The following SORCS3 variants were observed in gnomAD, a reference collection of about 807,000 sequenced individuals.
The protein encoded by SORCS3 is sortilin related VPS10 domain containing receptor 3.
A neutral mutation model predicts 146.3 loss-of-function variants in SORCS3; 57 were observed. The ratio of observed to expected loss-of-function variants is 0.39; its 90% CI spans 0.31 to 0.49. The LOEUF is 0.49. Among genes scored for constraint, SORCS3 ranks in the 20% least tolerant of loss-of-function variants. The pLI is 0.92. For missense variants in SORCS3, 1,341 were observed against 1,575.5 expected, an observed-to-expected ratio of 0.85 and a Z score of 2.52; for synonymous variants, 653 against 618.5, an observed-to-expected ratio of 1.06 and a Z score of -0.83.
chr10:104,921,120 A>G (rs1032661855), intron 3 of SORCS3, among the ~76,000 whole-genome samples: 2 of 152,212 alleles, frequency 1.3e-5, no homozygotes, highest in Non-Finnish European at 2.9e-5. Flanking sequence ...TCTAGCTCAC[A>G]GCTTCTCCTT....
chr10:104,778,319 T>C (rs904012611), intron 1 of SORCS3, among the ~76,000 whole-genome samples: 2 of 152,242 alleles, frequency 1.3e-5, no homozygotes, highest in Non-Finnish European at 2.9e-5. Flanking sequence ...ATTGTTACTC[T>C]GCTTCAAAGG....
rs541049776 is a variant in SORCS3 at position 105,007,232 on chromosome 10, C to A, written c.954+29739C>A. Among the ~76,000 whole-genome samples, 33 of 152,202 alleles carry A rather than the reference C, an allele frequency of 2.2e-4. 1 individual carries two copies. The South Asian group carries it at 6.4e-3, about 30-fold the overall frequency. ...TATGAGGAATCTACTTATTGTGCAG[C>A]CCTGTGTTCAGTGTTATGAGAGATA... On this transcript the variant is annotated intron_variant, in intron 4 of 26. Coordinates refer to ENST00000369701, the MANE Select transcript of SORCS3 (RefSeq NM_014978.3).
chr10:104,910,272 T>C lies in SORCS3; in HGVS notation c.696-5561T>C, dbSNP rs57815746. Among the ~76,000 whole-genome samples, 209 of 152,296 alleles carry C rather than the reference T, an allele frequency of 1.4e-3. 4 individuals are homozygous for C. In the East Asian group the frequency reaches 0.034, roughly 24 times the overall value. ...GTGTCTCTTTGGAGGTACAGTCTCCTTGGAGAAGATGTTGTAAATAGCCAG... is the reference window on the plus strand; with the variant it reads ...GTGTCTCTTTGGAGGTACAGTCTCCCTGGAGAAGATGTTGTAAATAGCCAG... On this transcript the variant is annotated intron_variant, in intron 2 of 26. Coordinates refer to ENST00000369701, the MANE Select transcript of SORCS3 (RefSeq NM_014978.3).
At chr10:105,135,849 C>T (rs2225574) in intron 7 of SORCS3, among the ~76,000 whole-genome samples, 13,121 of 152,220 alleles carry the variant, frequency 0.086, 693 homozygotes, top group Admixed American at 0.16. Context: ...ACAGCATTAC[C>T]TTTACCGTCT....
At chr10:104,685,964 C>A (rs1283265941) in intron 1 of SORCS3, among the ~76,000 whole-genome samples, 1 of 152,150 alleles carries the variant, frequency 6.6e-6, no homozygotes, top group Non-Finnish European at 1.5e-5. Flanking sequence ...TTGCCCGGCT[C>A]CCTCTTGCCT....
intron 7 of SORCS3, among the ~76,000 whole-genome samples, chr10:105,107,942 C>T (rs2055834234): frequency 6.6e-6 from 1 of 152,110 alleles, no homozygotes; most frequent in Non-Finnish European, 1.5e-5. Flanking sequence ...AATTGTAGTA[C>T]CTACTTCATG....
chr10:104,670,139 T>C (rs547620218), intron 1 of SORCS3, among the ~76,000 whole-genome samples: 2 of 152,268 alleles, frequency 1.3e-5, no homozygotes, highest in South Asian at 2.1e-4. Context: ...ATCAGATGTA[T>C]GATTTGCAAA....
At chr10:104,811,197 A>C (rs1448197781) in intron 1 of SORCS3, among the ~76,000 whole-genome samples, 2 of 152,202 alleles carry the variant, frequency 1.3e-5, no homozygotes, top group African/African-American at 4.8e-5. Context: ...ACATTCATTC[A>C]TTTGTTCATT....
At chr10:105,238,437 A>C (rs376861655) in intron 20 of SORCS3, among the ~76,000 whole-genome samples, 1 of 152,176 alleles carries the variant, frequency 6.6e-6, no homozygotes, top group African/African-American at 2.4e-5. Flanking sequence ...TGAGTGAGTC[A>C]TATACAAAGT....
In SORCS3 at chr10:104,771,723, T is replaced by A. The variant is rs184287206; in HGVS notation, c.628-71069T>A. On this transcript the variant is annotated intron_variant, in intron 1 of 26. Transcript: ENST00000369701. The stretch of plus-strand genomic sequence containing the variant: ...AATGCACTCAAAGGATAAGGAGTAG[T>A]CCAGGACCACAACAGGGATTTTAGA... Among the ~76,000 whole-genome samples the A allele has an allele frequency of 2.3e-3, 345 of 152,056 alleles. 3 individuals carry two copies. Among genetic ancestry groups the A allele is most frequent in the Admixed American group, 5.4e-3 (83 of 15,256 alleles).
At chr10:105,240,784 C>T (rs1275288259) in intron 20 of SORCS3, among the ~76,000 whole-genome samples, 1 of 152,026 alleles carries the variant, frequency 6.6e-6, no homozygotes, top group African/African-American at 2.4e-5. Flanking sequence ...CATGCCCCTT[C>T]TAAGTCAATC....
At chr10:105,024,024 C>A (rs1052051502) in intron 4 of SORCS3, among the ~76,000 whole-genome samples, 18 of 152,100 alleles carry the variant, frequency 1.2e-4, no homozygotes, top group African/African-American at 4.1e-4. Context: ...CAAGGAGAAG[C>A]CAGCTTCTCC....
intron 1 of SORCS3, among the ~76,000 whole-genome samples, chr10:104,686,249 C>A (rs1257673690): frequency 6.6e-6 from 1 of 152,002 alleles, no homozygotes; most frequent in East Asian, 1.9e-4. Context: ...CAACCAGGGG[C>A]TCTGTGGGTA....
chr10:104,677,475 C>T (rs867626), intron 1 of SORCS3, among the ~76,000 whole-genome samples: 62,064 of 152,056 alleles, frequency 0.41, 14,195 homozygotes, highest in Middle Eastern at 0.64. Context: ...TTAATGTATT[C>T]GGGATGTTCC....
At chr10:104,841,894 T>G (rs540002561) in intron 1 of SORCS3, among the ~76,000 whole-genome samples, 46 of 152,346 alleles carry the variant, frequency 3.0e-4, no homozygotes, top group African/African-American at 1.0e-3. Flanking sequence ...ATGTGTATTA[T>G]GCACCTGCGT....
chr10:105,153,784 T>G (rs2056185256), intron 9 of SORCS3, among the ~76,000 whole-genome samples: 1 of 151,750 alleles, frequency 6.6e-6, no homozygotes, highest in Non-Finnish European at 1.5e-5. Flanking sequence ...AAAATGAAAC[T>G]TCGAGGCTGG....
At chr10:104,709,918 A>G (rs1468062317) in intron 1 of SORCS3, among the ~76,000 whole-genome samples, 2 of 151,994 alleles carry the variant, frequency 1.3e-5, no homozygotes, top group Non-Finnish European at 2.9e-5. Flanking sequence ...TTAATTAAAA[A>G]AATTTTTTTT....
intron 4 of SORCS3, among the ~76,000 whole-genome samples, chr10:104,988,562 T>A (rs537364447): frequency 0.02 from 3,033 of 152,248 alleles, 44 homozygotes; most frequent in Non-Finnish European, 0.029. Flanking sequence ...TTTATTCAAA[T>A]CTTTGAGTTA....
chr10:104,853,619 G>A (rs1005625049), intron 2 of SORCS3, among the ~76,000 whole-genome samples: 3 of 152,176 alleles, frequency 2.0e-5, no homozygotes, highest in Non-Finnish European at 4.4e-5. Flanking sequence ...AAATGGAAGA[G>A]ACCACTTGGG....
Sources: allele counts gnomAD v4.1 joint callset (sites outside exome capture counted in the v4.1 genomes callset), GRCh38; gene constraint gnomAD v4.1.1; transcripts MANE v1.5; gene names NCBI Gene and HGNC (gene_info 2026-07-23, HGNC 2026-07-21).